The following PCDHA9 variants were observed in gnomAD, a reference collection of about 807,000 sequenced individuals.
PCDHA9 encodes protocadherin alpha 9.
Under a neutral mutation model 62.0 loss-of-function variants are expected in PCDHA9, and 62 were observed. The observed-to-expected ratio is 1.00, with a 90% confidence interval of 0.81 to 1.23. The LOEUF (loss-of-function observed/expected upper bound fraction) is 1.23. Among genes scored for constraint, PCDHA9 ranks in the 50% most tolerant of loss-of-function variants. The pLI is 0.00. For missense variants in PCDHA9, 1,205 were observed against 1,249.8 expected (o/e 0.96, Z 0.54); for synonymous variants, 557 against 567.6 (o/e 0.98, Z 0.27).
intron 1 of PCDHA9, among the ~76,000 whole-genome samples, chr5:140,932,418 ATTG>A (rs1457931424): frequency 1.3e-5 from 2 of 151,928 alleles, no homozygotes; most frequent in African/African-American, 4.8e-5. Context: ...ATATTAGTGT[ATTG>A]TTCACCTGGA....
At chr5:140,940,593 A>G (rs2092648765) in intron 1 of PCDHA9, among the ~76,000 whole-genome samples, 1 of 152,170 alleles carries the variant, frequency 6.6e-6, no homozygotes, top group Non-Finnish European at 1.5e-5. Flanking sequence ...GATTTCAGGC[A>G]TGAGCCGCTG....
At chr5:140,857,933 G>A (rs1554150890) in intron 1 of PCDHA9, 2 of 1,597,790 alleles carry the variant, frequency 1.3e-6, no homozygotes, top group Admixed American at 1.7e-5. Context: ...GTACACGGGC[G>A]AGATCAGTAC....
chr5:140,896,738 T>C (rs2065731964), intron 1 of PCDHA9, among the ~76,000 whole-genome samples: 2 of 152,180 alleles, frequency 1.3e-5, no homozygotes, highest in African/African-American at 4.8e-5. Context: ...AAGTTCCTTA[T>C]AGATTCTGGA....
chr5:140,983,387 G>T (rs1417783796), intron 3 of PCDHA9, among the ~76,000 whole-genome samples: 1 of 152,188 alleles, frequency 6.6e-6, no homozygotes, highest in Non-Finnish European at 1.5e-5. Flanking sequence ...CGCTGTGGCA[G>T]TTTTCAGAAA....
chr5:140,948,016 C>CTTTTT (rs72028473), intron 1 of PCDHA9, among the ~76,000 whole-genome samples: 13 of 30,044 alleles, frequency 4.3e-4, no homozygotes, highest in Non-Finnish European at 6.9e-4. Context: ...AGGAAGTACC[C>CTTTTT]TTTCTGGTTT....
rs1562773759 is a variant in PCDHA9 at position 140,882,388 on chromosome 5, A to G, written c.2394+31499A>G. 2.5e-6 allele frequency: 4 copies of G among 1,614,158 alleles called. No individual in the cohort carries two copies. The African/African-American group carries it at 4.0e-5, about 16-fold the overall frequency. Reference sequence around the variant, plus strand: ...ACTACTCCGTCCCCGAGGAAGCAAAACACGGCACCTTCGTGGGCCGCATCG... The same window carrying G: ...ACTACTCCGTCCCCGAGGAAGCAAAGCACGGCACCTTCGTGGGCCGCATCG... On this transcript the variant is annotated intron_variant, in intron 1 of 3. Transcript: ENST00000532602.
intron 1 of PCDHA9, chr5:140,851,974 CT>C (rs1190115566): frequency 2.0e-6 from 2 of 976,536 alleles, no homozygotes; most frequent in African/African-American, 3.5e-5. Context: ...CACACTCTAC[CT>C]TTAGTGCAAG....
At chr5:140,875,049 T>C (rs2055250146) in intron 1 of PCDHA9, among the ~76,000 whole-genome samples, 1 of 152,252 alleles carries the variant, frequency 6.6e-6, no homozygotes, top group Non-Finnish European at 1.5e-5. Context: ...ATTTCTACTT[T>C]GAAGCAGAAA....
At chr5:141,004,188 TA>T (rs1391411358) in intron 3 of PCDHA9, among the ~76,000 whole-genome samples, 5 of 152,260 alleles carry the variant, frequency 3.3e-5, no homozygotes, top group African/African-American at 1.2e-4. Flanking sequence ...TGAGTGCTCT[TA>T]ACCAAAAGGA....
intron 1 of PCDHA9, among the ~76,000 whole-genome samples, chr5:140,901,839 A>G (rs578262204): frequency 6.6e-6 from 1 of 152,226 alleles, no homozygotes; most frequent in Admixed American, 6.5e-5. Context: ...TAAACATGCA[A>G]TATCTTTCCA....
chr5:140,965,975 T>TGA (rs1554227957), intron 1 of PCDHA9, among the ~76,000 whole-genome samples: 1 of 152,180 alleles, frequency 6.6e-6, no homozygotes, highest in Non-Finnish European at 1.5e-5. Flanking sequence ...CCCTAGGAGT[T>TGA]GAGCACTTTC....
intron 1 of PCDHA9, among the ~76,000 whole-genome samples, chr5:140,961,843 G>T (rs1244708157): frequency 1.3e-5 from 2 of 151,972 alleles, no homozygotes; most frequent in Non-Finnish European, 2.9e-5. Flanking sequence ...CAGTGCCTTG[G>T]AAGATCATTT....
At chr5:140,926,537 T>C (rs1584447910) in intron 1 of PCDHA9, 2 of 211,572 alleles carry the variant, frequency 9.5e-6, no homozygotes, top group African/African-American at 2.3e-5. Flanking sequence ...GCAGCCAGCG[T>C]GGTGGTCGAG....
rs186574903 is a variant in PCDHA9, at chr5:140,898,271, A to T, written c.2394+47382A>T. On this transcript the variant is annotated intron_variant, in intron 1 of 3. Transcript: ENST00000532602. The stretch of plus-strand genomic sequence containing the variant: ...AGACATGAAGTCCTTGCCCATGCCT[A>T]AGTTCTGAATGGTAATGCCTAGGTT... 4.6e-3 allele frequency among the ~76,000 whole-genome samples: 703 copies of T among 152,290 alleles called. 3 individuals carry two copies. The highest frequency in any genetic ancestry group is 0.016 in the African/African-American group (680 of 41,550).
In PCDHA9 at chr5:140,848,578, G is replaced by A. The variant is rs148489343; in HGVS notation, c.83G>A (p.Ser28Asn). Residue 28 changes from serine (S) to asparagine (N), a missense_variant, in exon 1 of 4, where the codon AGC (serine) becomes AAC (asparagine). Ser to Asn is a conservative substitution (Grantham distance 46). Transcript: ENST00000532602. ...ATCCTCGCAATGTGGGTGGTGGGGA[G>A]CGGCCAGCTCCACTACTCCGTCCCG... ...LLILAMWVVG[S>N]GQLHYSVPEE... 4 of 1,595,522 alleles carry A rather than the reference G, an allele frequency of 2.5e-6. 1 individual carries two copies. In the African/African-American group the frequency reaches 4.0e-5, roughly 16 times the overall value.
chr5:141,002,681 C>T (rs556518008), intron 3 of PCDHA9, among the ~76,000 whole-genome samples: 32 of 152,154 alleles, frequency 2.1e-4, no homozygotes, highest in Non-Finnish European at 4.0e-4. Context: ...ACCTATACGA[C>T]GTGCAGATTT....
intron 3 of PCDHA9, among the ~76,000 whole-genome samples, chr5:140,996,637 G>A (rs2097735642): frequency 6.6e-6 from 1 of 152,190 alleles, no homozygotes; most frequent in Admixed American, 6.5e-5. Flanking sequence ...TGCAAATTAT[G>A]TAGTTAATCC....
intron 1 of PCDHA9, chr5:140,927,814 G>T: frequency 6.2e-7 from 1 of 1,614,172 alleles, no homozygotes; most frequent in Non-Finnish European, 8.5e-7. Flanking sequence ...GCTCTTGGAG[G>T]CATACATTGA....
Position 140,849,840 on chromosome 5 carries a change from AACG to A in PCDHA9, c.1348_1350del (p.Asp450del). On this transcript the variant is annotated inframe_deletion, in exon 1 of 4. Transcript: ENST00000532602. The stretch of plus-strand genomic sequence containing the variant: ...GGTGTCTGTGGAGGTGGCCGACGTG[AACG>A]ACAACGCACCAGCGTTCGCGCAGTC... 2.5e-6 allele frequency: 4 copies of A among 1,598,334 alleles called. No individual in the cohort carries two copies. Among genetic ancestry groups the A allele is most frequent in the Non-Finnish European group, 3.4e-6 (4 of 1,167,876 alleles).
Sources: gnomAD v4.1 joint callset for allele counts (sites outside exome capture counted in the v4.1 genomes callset) on GRCh38, gnomAD v4.1.1 for gene constraint, MANE v1.5 for transcripts, NCBI Gene and HGNC (gene_info 2026-07-23, HGNC 2026-07-21) for gene names.